Variants in NKAIN2 observed in about 807,000 individuals in gnomAD.
The protein encoded by NKAIN2 is sodium/potassium-transporting ATPase subunit beta-1-interacting protein 2.
In NKAIN2, 14 loss-of-function variants were observed where a neutral mutation model predicts 32.6. That is an observed-to-expected ratio of 0.43 (90% CI 0.28 to 0.67). NKAIN2 has a LOEUF of 0.67. Among genes scored for constraint, NKAIN2 ranks in the 30% least tolerant of loss-of-function variants. The pLI is 0.17. For missense variants in NKAIN2, 198 were observed against 258.3 expected (o/e 0.77, Z 1.60); for synonymous variants, 80 against 87.2 (o/e 0.92, Z 0.46).
At chr6:124,023,397 A>G (rs756174390) in intron 1 of NKAIN2, among the ~76,000 whole-genome samples, 37 of 151,984 alleles carry the variant, frequency 2.4e-4, no homozygotes, top group Non-Finnish European at 1.6e-4. Context: ...CATACAGCCT[A>G]TTCTCTGAAA....
intron 1 of NKAIN2, among the ~76,000 whole-genome samples, chr6:123,902,213 C>G (rs965954640): frequency 6.6e-6 from 1 of 152,052 alleles, no homozygotes. Flanking sequence ...ACTACATAGA[C>G]TCACATTTTG....
intron 3 of NKAIN2, among the ~76,000 whole-genome samples, chr6:124,633,851 A>G (rs919777670): frequency 2.4e-4 from 36 of 152,298 alleles, no homozygotes; most frequent in Non-Finnish European, 5.0e-4. Context: ...CTCCACTGGT[A>G]GAGTCACTGC....
At chr6:124,591,020 A>G (rs1232596911) in intron 3 of NKAIN2, among the ~76,000 whole-genome samples, 1 of 152,220 alleles carries the variant, frequency 6.6e-6, no homozygotes, top group African/African-American at 2.4e-5. Context: ...GCCATCACCA[A>G]CAGGTGGGGT....
chr6:124,159,995 T>C (rs802271), intron 1 of NKAIN2, among the ~76,000 whole-genome samples: 117,045 of 152,100 alleles, frequency 0.77, 47,013 homozygotes, highest in Non-Finnish European at 0.88. Context: ...GAAGGCATCA[T>C]GTGTGTTGGG....
In NKAIN2 at chr6:124,225,625, C is replaced by T. The variant is rs1792064908; in HGVS notation, c.55-57380C>T. Among the ~76,000 whole-genome samples, 3 of 150,788 alleles carry T rather than the reference C, an allele frequency of 2.0e-5. No individual in the cohort carries two copies. The South Asian group carries it at 6.4e-4, about 32-fold the overall frequency. On this transcript the variant is annotated intron_variant, in intron 1 of 6. Transcript: ENST00000368417. Reference sequence around the variant, plus strand: ...TTATCAAGAGTCATAATATTGTGTTCAAAATAAAATTAAATATGGAAAAAT... The same window carrying T: ...TTATCAAGAGTCATAATATTGTGTTTAAAATAAAATTAAATATGGAAAAAT...
At chr6:124,109,199 A>G (rs1785254424) in intron 1 of NKAIN2, among the ~76,000 whole-genome samples, 3 of 151,876 alleles carry the variant, frequency 2.0e-5, no homozygotes, top group Middle Eastern at 3.4e-3. Context: ...TTTGATGTCT[A>G]TTTGCTGTGT....
intron 3 of NKAIN2, among the ~76,000 whole-genome samples, chr6:124,381,097 G>A (rs1772614568): frequency 6.6e-6 from 1 of 152,148 alleles, no homozygotes; most frequent in African/African-American, 2.4e-5. Flanking sequence ...AAAGCAAGAT[G>A]TGACAAAAGT....
intron 4 of NKAIN2, among the ~76,000 whole-genome samples, chr6:124,696,564 T>C (rs1271434785): frequency 6.6e-6 from 1 of 152,098 alleles, no homozygotes; most frequent in Non-Finnish European, 1.5e-5. Context: ...TATTGCCTCA[T>C]AGCTGGTCTT....
At chr6:124,809,348 T>C (rs1161016423) in intron 5 of NKAIN2, among the ~76,000 whole-genome samples, 2 of 149,738 alleles carry the variant, frequency 1.3e-5, no homozygotes, top group Non-Finnish European at 3.0e-5. Flanking sequence ...AACTATCCGA[T>C]CTTTGACAAA....
rs549718906 is a variant in NKAIN2, at chr6:124,649,327, G to A, written c.274-8859G>A. On this transcript the variant is annotated intron_variant, in intron 3 of 6. Coordinates refer to ENST00000368417, the MANE Select transcript of NKAIN2 (RefSeq NM_001040214.3). ...TATCTGGACAAGAAAGGATAATAAT[G>A]GTATATTGTTAACAATTCTATATCT... Among the ~76,000 whole-genome samples, 51 of 151,994 alleles carry A rather than the reference G, an allele frequency of 3.4e-4. No homozygotes were observed. In the South Asian group the frequency reaches 8.9e-3, roughly 27 times the overall value.
chr6:124,421,380 G>A (rs1043153066), intron 3 of NKAIN2, among the ~76,000 whole-genome samples: 1 of 152,178 alleles, frequency 6.6e-6, no homozygotes, highest in African/African-American at 2.4e-5. Flanking sequence ...TACACGTGGA[G>A]ATGACGTCTC....
chr6:124,169,635 T>C (rs1230527083), intron 1 of NKAIN2, among the ~76,000 whole-genome samples: 2 of 152,192 alleles, frequency 1.3e-5, no homozygotes, highest in African/African-American at 2.4e-5. Context: ...GACCCTCTCA[T>C]TGGCCTGCCT....
chr6:124,272,143 T>C (rs1794823579), intron 1 of NKAIN2, among the ~76,000 whole-genome samples: 1 of 152,182 alleles, frequency 6.6e-6, no homozygotes, highest in South Asian at 2.1e-4. Context: ...GAAATTTGCA[T>C]AAGTAACAAG....
At chr6:123,946,975 T>C (rs1389081153) in intron 1 of NKAIN2, among the ~76,000 whole-genome samples, 1 of 152,162 alleles carries the variant, frequency 6.6e-6, no homozygotes, top group Non-Finnish European at 1.5e-5. Flanking sequence ...ATTGTTGTTA[T>C]ACCCAGGAAG....
At chr6:124,020,900 T>C (rs1310027894) in intron 1 of NKAIN2, among the ~76,000 whole-genome samples, 1 of 152,152 alleles carries the variant, frequency 6.6e-6, no homozygotes, top group Non-Finnish European at 1.5e-5. Context: ...TTGTTTGCTA[T>C]AAATGAAGAA....
At chr6:124,566,843 G>A (rs1246029536) in intron 3 of NKAIN2, among the ~76,000 whole-genome samples, 2 of 152,042 alleles carry the variant, frequency 1.3e-5, no homozygotes, top group Non-Finnish European at 2.9e-5. Flanking sequence ...TGTGTATACT[G>A]TAACATTCAG....
intron 1 of NKAIN2, among the ~76,000 whole-genome samples, chr6:124,111,708 G>C (rs1440697044): frequency 6.6e-6 from 1 of 151,896 alleles, no homozygotes; most frequent in East Asian, 1.9e-4. Context: ...CATTTTGTTA[G>C]TTGTTTCTTA....
At chr6:124,015,312 C>T (rs1243043593) in intron 1 of NKAIN2, among the ~76,000 whole-genome samples, 1 of 152,176 alleles carries the variant, frequency 6.6e-6, no homozygotes, top group Non-Finnish European at 1.5e-5. Context: ...TAACTGAGTT[C>T]TCACCAAAGC....
intron 3 of NKAIN2, among the ~76,000 whole-genome samples, chr6:124,358,071 C>T (rs983656303): frequency 6.6e-6 from 1 of 152,138 alleles, no homozygotes; most frequent in Admixed American, 6.5e-5. Context: ...TGATGGTTTC[C>T]AGCTTCATCT....
Sources: allele counts gnomAD v4.1 joint callset (sites outside exome capture counted in the v4.1 genomes callset), GRCh38; gene constraint gnomAD v4.1.1; transcripts MANE v1.5; gene names NCBI Gene and HGNC (gene_info 2026-07-23, HGNC 2026-07-21).